Variants in RSF1 observed in about 807,000 individuals in gnomAD.
The protein encoded by RSF1 is remodeling and spacing factor 1, also known as HBV pX-associated protein 8.
In RSF1, 13 loss-of-function variants were observed where a neutral mutation model predicts 145.2. The ratio of observed to expected loss-of-function variants is 0.09; its 90% CI spans 0.06 to 0.14. The LOEUF (loss-of-function observed/expected upper bound fraction) is 0.14. RSF1 is among the 10% of genes least tolerant of loss of function. The pLI, the probability that RSF1 is intolerant of heterozygous loss-of-function variation, is 1.00. For missense variants in RSF1, 1,517 were observed against 1,718.2 expected, an observed-to-expected ratio of 0.88 and a Z score of 2.07; for synonymous variants, 577 against 592.6, an observed-to-expected ratio of 0.97 and a Z score of 0.38.
intron 2 of RSF1, among the ~76,000 whole-genome samples, chr11:77,752,597 T>G (rs1948074913): frequency 6.6e-6 from 1 of 152,166 alleles, no homozygotes; most frequent in South Asian, 2.1e-4. Flanking sequence ...TTTTGCCTAT[T>G]AAACTTCCAC....
intron 7 of RSF1, among the ~76,000 whole-genome samples, chr11:77,695,801 T>C (rs1337511863): frequency 3.9e-5 from 6 of 152,228 alleles, no homozygotes; most frequent in South Asian, 2.1e-4. Context: ...CTAAGATATA[T>C]ATGTATGGAT....
At chr11:77,841,318 A>G in the RSF1 span, 3 of 678,976 alleles carry the variant, frequency 4.4e-6, no homozygotes, top group Non-Finnish European at 8.1e-6. Context: ...AACTAAATCT[A>G]TGAATTCTCC....
chr11:77,720,375 T>C (rs1188208970), intron 5 of RSF1, among the ~76,000 whole-genome samples: 5 of 152,218 alleles, frequency 3.3e-5, no homozygotes, highest in African/African-American at 9.6e-5. Context: ...TTTTAACTTT[T>C]TGGTCCCTTC....
the RSF1 span, among the ~76,000 whole-genome samples, chr11:77,828,072 A>C: frequency 6.6e-6 from 1 of 152,104 alleles, no homozygotes; most frequent in African/African-American, 2.4e-5. Context: ...CAGGAGTTCA[A>C]TACCAGCCTG....
At chr11:77,739,915 A>C (rs962162598) in intron 4 of RSF1, among the ~76,000 whole-genome samples, 1 of 152,170 alleles carries the variant, frequency 6.6e-6, no homozygotes, top group African/African-American at 2.4e-5. Flanking sequence ...AACACAAATA[A>C]AAAATCAAGA....
upstream of RSF1, chr11:77,820,927 G>C (rs1948869727): frequency 1.8e-6 from 1 of 570,190 alleles, no homozygotes; most frequent in Non-Finnish European, 3.0e-6. Flanking sequence ...AGCGGCCCTC[G>C]GCGCCTTTCA....
upstream of RSF1, among the ~76,000 whole-genome samples, chr11:77,823,621 C>CAAAAAA (rs397970373): frequency 2.0e-4 from 20 of 97,642 alleles, 1 homozygote; most frequent in African/African-American, 6.9e-4. Flanking sequence ...CACCCTGTCT[C>CAAAAAA]AAAAAAAAAA....
chr11:77,808,794 A>C (rs1401260718), intron 1 of RSF1, among the ~76,000 whole-genome samples: 1 of 104,428 alleles, frequency 9.6e-6, no homozygotes, highest in Non-Finnish European at 1.8e-5. Flanking sequence ...CGGCCTCCCA[A>C]AGTGCTGGGA....
At chr11:77,709,731 T>C (rs572973043) in intron 5 of RSF1, among the ~76,000 whole-genome samples, 32 of 152,146 alleles carry the variant, frequency 2.1e-4, no homozygotes, top group African/African-American at 7.2e-4. Context: ...TTAGAGACAA[T>C]GTCTTGCTCT....
In RSF1 at chr11:77,667,138, G is replaced by T; in HGVS notation, c.4105C>A (p.Pro1369Thr). The change falls in exon 16 of 16, where the codon CCT (proline) becomes ACT (threonine). Residue 1369 changes from proline to threonine, a missense_variant. This residue lies in a region of RSF1 where 240 missense variants were observed against 231.8 expected (regional missense o/e 1.04). Transcript: ENST00000308488. ...SPLDYSLVDL[P>T]STNGQSPGKA... ...CCAGGGCTCTGTCCATTGGTTGAAG[G>T]TAAGTCCACTAAGCTATAGTCCAAT... The T allele has an allele frequency of 1.9e-6, 3 of 1,614,190 alleles. No homozygotes were observed. The East Asian group carries it at 6.7e-5, about 36-fold the overall frequency.
Position 77,776,116 on chromosome 11 carries a change from GA to G in RSF1, c.188-11428del, listed in dbSNP as rs771762342. ...GTCCTCCTTAGCTACTTGGGTTGCT[GA>G]GGGAGGAGGACTGCTGGAGCCCAGG... On this transcript the variant is annotated intron_variant, in intron 1 of 15. Coordinates refer to ENST00000308488, the MANE Select transcript of RSF1 (RefSeq NM_016578.4). 2.6e-4 allele frequency among the ~76,000 whole-genome samples: 39 copies of G among 152,078 alleles called. 1 individual carries two copies. The highest frequency in any genetic ancestry group is 5.0e-4 in the Non-Finnish European group (34 of 68,018).
chr11:77,790,592 C>A (rs1349938072), intron 1 of RSF1, among the ~76,000 whole-genome samples: 3 of 152,178 alleles, frequency 2.0e-5, no homozygotes, highest in Admixed American at 6.5e-5. Context: ...CAAGGCAAGT[C>A]CCTTCTGCCT....
intron 11 of RSF1, among the ~76,000 whole-genome samples, chr11:77,679,339 G>A (rs902055739): frequency 6.6e-6 from 1 of 152,206 alleles, no homozygotes; most frequent in Admixed American, 6.5e-5. Flanking sequence ...ACATGGCAAA[G>A]TAAGTAAAAC....
intron 2 of RSF1, 137 bp downstream of exon 2, chr11:77,764,461 C>T (rs1892869): frequency 0.14 from 82,660 of 590,144 alleles, 7,211 homozygotes; most frequent in African/African-American, 0.3. Context: ...CACATACTTG[C>T]AGTCATGTGG....
intron 13 of RSF1, among the ~76,000 whole-genome samples, chr11:77,675,691 T>C (rs1303936270): frequency 1.3e-5 from 2 of 152,184 alleles, no homozygotes; most frequent in Admixed American, 6.5e-5. Context: ...AGAGTCTACC[T>C]CTTAAAAGAT....
At chr11:77,680,553 C>A (rs1368642883) in intron 11 of RSF1, among the ~76,000 whole-genome samples, 3 of 152,112 alleles carry the variant, frequency 2.0e-5, no homozygotes, top group South Asian at 2.1e-4. Flanking sequence ...AGTTGGGAGT[C>A]CAGTCTAGGC....
rs980255305 is a variant in RSF1, at chr11:77,664,041, T to C, written c.*2876A>G. 5 of 152,212 alleles carry C rather than the reference T, an allele frequency of 3.3e-5. No homozygotes were observed. Among genetic ancestry groups the C allele is most frequent in the African/African-American group, 1.2e-4 (5 of 41,468 alleles). 9.4% of individuals were successfully genotyped at this position (152,212 alleles called of 1,614,324 possible). The stretch of plus-strand genomic sequence containing the variant: ...CTCTACATCAATTACTGCTTTCCTA[T>C]ACTTTCTGCAGTTCGTAGTGACTGT... On this transcript the variant is annotated 3_prime_UTR_variant, in exon 16 of 16. Transcript: ENST00000308488.
chr11:77,767,692 C>T (rs143401131), intron 1 of RSF1, among the ~76,000 whole-genome samples: 54 of 152,262 alleles, frequency 3.5e-4, no homozygotes, highest in Non-Finnish European at 6.6e-4. Context: ...CGAAAGTCTC[C>T]GTGATAGATT....
At chr11:77,838,951 C>G in the RSF1 span, among the ~76,000 whole-genome samples, 1 of 152,150 alleles carries the variant, frequency 6.6e-6, no homozygotes, top group African/African-American at 2.4e-5. Context: ...CTTACCAGTG[C>G]TAGAATTTCC....
Sources: allele counts gnomAD v4.1 joint callset (sites outside exome capture counted in the v4.1 genomes callset), GRCh38; gene constraint gnomAD v4.1.1; regional missense constraint gnomAD v4.1.1; transcripts MANE v1.5; gene names NCBI Gene and HGNC (gene_info 2026-07-23, HGNC 2026-07-21).